PRIM2: variants seen among roughly 807,000 people sequenced by gnomAD.
PRIM2 encodes the protein DNA primase large subunit.
Under a neutral mutation model 67.3 loss-of-function variants are expected in PRIM2, and 39 were observed. That is an observed-to-expected ratio of 0.58 (90% confidence interval 0.45 to 0.76). PRIM2 has a LOEUF of 0.76. Among genes scored for constraint, PRIM2 ranks in the 30% least tolerant of loss-of-function variants. The probability of loss-of-function intolerance (pLI) is 0.00; values close to 1 mark genes in which losing one functional copy is unlikely to be tolerated. For synonymous variants in PRIM2, 143 were observed against 198.7 expected (o/e 0.72, Z 2.36); for missense variants, 398 against 598.7 (o/e 0.66, Z 3.50).
At position 57,320,468 on chromosome 6, in the gene PRIM2, G is replaced by C. The variant is rs202076235; in HGVS notation, c.166G>C (p.Val56Leu). The change falls in exon 3 of 14, where the codon GTT (valine) becomes CTT (leucine). Residue 56 changes from valine to leucine, a missense_variant. Physicochemically the swap from Val to Leu is conservative, Grantham distance 32. Transcript: ENST00000615550. ...AIDRVKLLKS[V>L]ENLGVSYVKG... ...TTTCTTTTTTTTAGTGTTAAAATCA[G>C]TTGAAAATCTTGGAGTGAGCTATGT... The C allele has an allele frequency of 2.6e-5, 42 of 1,600,224 alleles. No homozygotes were observed. Among genetic ancestry groups the C allele is most frequent in the Middle Eastern group, 1.7e-4 (1 of 6,032 alleles).
At chr6:57,245,065 C>G in the PRIM2 span, among the ~76,000 whole-genome samples, 2 of 152,150 alleles carry the variant, frequency 1.3e-5, no homozygotes, top group Admixed American at 6.5e-5. Context: ...AGTCCCAGCA[C>G]TGCCCTACAT....
Position 57,320,567 on chromosome 6 carries a change from A to G in PRIM2, c.258+7A>G. 1 of 1,534,350 alleles carries G rather than the reference A, an allele frequency of 6.5e-7. No individual in the cohort carries two copies. Among genetic ancestry groups the G allele is most frequent in the Non-Finnish European group, 8.8e-7 (1 of 1,131,856 alleles). On this transcript the variant is annotated splice_region_variant and intron_variant, in intron 3 of 13. Transcript: ENST00000615550. ...GCTCAAGTTTTCCTACAGAGTAAGT[A>G]AAAAAGGAAAAAAAAGTTCCTTCAG...
At chr6:57,262,459 A>G in the PRIM2 span, among the ~76,000 whole-genome samples, 2 of 152,118 alleles carry the variant, frequency 1.3e-5, no homozygotes, top group African/African-American at 4.8e-5. Context: ...TCGTTCTTTC[A>G]CAGTTGCCAT....
chr6:57,235,812 C>T, the PRIM2 span, among the ~76,000 whole-genome samples: 1 of 152,038 alleles, frequency 6.6e-6, no homozygotes. Context: ...AAGCAGAGGT[C>T]AGAAAGAGGG....
intron 13 of PRIM2, among the ~76,000 whole-genome samples, chr6:57,645,383 A>C (rs1777317978): frequency 6.7e-6 from 1 of 149,926 alleles, no homozygotes; most frequent in East Asian, 2.0e-4. Context: ...TTGTATTCCA[A>C]ACATATTTTT....
intron 7 of PRIM2, among the ~76,000 whole-genome samples, chr6:57,483,570 TG>T (rs1362700157): frequency 6.6e-6 from 1 of 151,968 alleles, no homozygotes; most frequent in Non-Finnish European, 1.5e-5. Context: ...TTTTCAGTAA[TG>T]AGGAGTAGAT....
At chr6:57,598,375 GGTTTTA>G (rs1776405778) in intron 10 of PRIM2, among the ~76,000 whole-genome samples, 1 of 152,068 alleles carries the variant, frequency 6.6e-6, no homozygotes. Flanking sequence ...TTAGAAACTT[GGTTTTA>G]GTTTTTGCCC....
the PRIM2 span, among the ~76,000 whole-genome samples, chr6:57,297,558 A>G: frequency 1.2e-4 from 18 of 152,244 alleles, no homozygotes; most frequent in Middle Eastern, 3.2e-3. Flanking sequence ...GAGAAACAGG[A>G]TATTTACATA....
chr6:57,409,227 G>A (rs1458297720), intron 7 of PRIM2, among the ~76,000 whole-genome samples: 3 of 151,692 alleles, frequency 2.0e-5, no homozygotes, highest in Non-Finnish European at 2.9e-5. Flanking sequence ...CCAGGCTGGA[G>A]TACACTAGCA....
At chr6:57,580,686 A>G (rs1292056492) in intron 10 of PRIM2, among the ~76,000 whole-genome samples, 2 of 152,198 alleles carry the variant, frequency 1.3e-5, no homozygotes, top group Admixed American at 1.3e-4. Flanking sequence ...AAGAGAGGTC[A>G]AAGAATTCTT....
At chr6:57,384,699 A>G (rs1770081552) in intron 7 of PRIM2, among the ~76,000 whole-genome samples, 1 of 152,136 alleles carries the variant, frequency 6.6e-6, no homozygotes, top group South Asian at 2.1e-4. Flanking sequence ...ACAAAAATGG[A>G]TGATTGTTAG....
At chr6:57,288,509 C>T in the PRIM2 span, among the ~76,000 whole-genome samples, 1 of 152,160 alleles carries the variant, frequency 6.6e-6, no homozygotes, top group African/African-American at 2.4e-5. Context: ...GTCCCTGACC[C>T]CCGTGTAGCC....
chr6:57,412,928 T>C (rs1469358591), intron 7 of PRIM2, among the ~76,000 whole-genome samples: 2 of 152,062 alleles, frequency 1.3e-5, no homozygotes, highest in East Asian at 3.9e-4. Context: ...TGATATAGAG[T>C]ATAAGAACCA....
rs1776902801 is a variant in PRIM2 at position 57,624,035 on chromosome 6, CAG to C, written c.1231-8097_1231-8096del. On this transcript the variant is annotated intron_variant, in intron 12 of 13. Transcript: ENST00000615550. The stretch of plus-strand genomic sequence containing the variant: ...TAATCTTCTAAAGTAATTATATAAT[CAG>C]TATAAATATCTTTCATTATTTTCAT... Among the ~76,000 whole-genome samples, 3 of 151,958 alleles carry C rather than the reference CAG, an allele frequency of 2.0e-5. No homozygotes were observed. The South Asian group carries it at 6.2e-4, about 32-fold the overall frequency.
intron 10 of PRIM2, among the ~76,000 whole-genome samples, chr6:57,564,758 A>C (rs1241854083): frequency 6.6e-6 from 1 of 152,160 alleles, no homozygotes; most frequent in Non-Finnish European, 1.5e-5. Flanking sequence ...TTTGAGGCTA[A>C]ATTTTCTCTT....
At chr6:57,595,828 GT>G (rs1435037525) in intron 10 of PRIM2, among the ~76,000 whole-genome samples, 16 of 152,076 alleles carry the variant, frequency 1.1e-4, no homozygotes, top group Non-Finnish European at 1.2e-4. Flanking sequence ...AAACCCTGTA[GT>G]TTAGGGATTT....
At chr6:57,517,046 T>A (rs1270203041) in intron 8 of PRIM2, among the ~76,000 whole-genome samples, 1 of 152,180 alleles carries the variant, frequency 6.6e-6, no homozygotes, top group African/African-American at 2.4e-5. Context: ...TCTCAGGAAT[T>A]TCTGGATTGT....
intron 12 of PRIM2, among the ~76,000 whole-genome samples, chr6:57,614,780 G>A (rs1315335536): frequency 6.6e-6 from 1 of 152,242 alleles, no homozygotes; most frequent in Non-Finnish European, 1.5e-5. Context: ...AACCTGGGAG[G>A]TGGAGCTTGC....
At chr6:57,579,513 GA>G (rs1776039805) in intron 10 of PRIM2, among the ~76,000 whole-genome samples, 2 of 152,044 alleles carry the variant, frequency 1.3e-5, no homozygotes, top group Non-Finnish European at 2.9e-5. Flanking sequence ...TCTAATAAGT[GA>G]AACATCTCAG....
Sources: gnomAD v4.1 joint callset for allele counts (sites outside exome capture counted in the v4.1 genomes callset) on GRCh38, gnomAD v4.1.1 for gene constraint, MANE v1.5 for transcripts, NCBI Gene and HGNC (gene_info 2026-07-23, HGNC 2026-07-21) for gene names.